TRIM2: variants seen among roughly 807,000 people sequenced by gnomAD.
TRIM2 encodes the protein tripartite motif containing 2, also known as tripartite motif-containing protein 2.
TRIM2 carries 20 observed loss-of-function variants against 75.2 expected under a neutral mutation model. The ratio of observed to expected loss-of-function variants is 0.27; its 90% CI spans 0.19 to 0.39. The LOEUF is 0.39. TRIM2 is among the 10% of genes least tolerant of loss of function. The pLI is 1.00. For missense variants in TRIM2, 660 were observed against 990.8 expected, an observed-to-expected ratio of 0.67 and a Z score of 4.48; for synonymous variants, 373 against 388.3, an observed-to-expected ratio of 0.96 and a Z score of 0.46.
At chr4:153,275,133 C>A (rs575671518) in intron 2 of TRIM2, among the ~76,000 whole-genome samples, 1 of 152,312 alleles carries the variant, frequency 6.6e-6, no homozygotes, top group African/African-American at 2.4e-5. Context: ...TGGACAAGTA[C>A]GCTGGCCTGT....
At chr4:153,324,250 T>C in intron 10 of TRIM2, 102 bp downstream of exon 10, 1 of 975,458 alleles carries the variant, frequency 1.0e-6, no homozygotes, top group South Asian at 1.6e-5. Flanking sequence ...CCAAAGGGAG[T>C]TAACCAGCAG....
At chr4:153,293,439 G>A (rs933126066) in intron 4 of TRIM2, among the ~76,000 whole-genome samples, 2 of 152,174 alleles carry the variant, frequency 1.3e-5, no homozygotes, top group African/African-American at 4.8e-5. Flanking sequence ...ATTCATCCCT[G>A]AAACCAGGCT....
At chr4:153,290,949 G>T (rs992474286) in intron 3 of TRIM2, among the ~76,000 whole-genome samples, 5 of 151,962 alleles carry the variant, frequency 3.3e-5, no homozygotes, top group Non-Finnish European at 7.4e-5. Context: ...TTTGAGCAGA[G>T]AATGCATACA....
At chr4:153,284,157 G>A (rs540280896) in intron 3 of TRIM2, among the ~76,000 whole-genome samples, 180 of 151,664 alleles carry the variant, frequency 1.2e-3, no homozygotes, top group African/African-American at 4.3e-3. Flanking sequence ...GGGATTACAG[G>A]CATAAGCCAT....
chr4:153,326,844 G>C (rs7658140), intron 10 of TRIM2, among the ~76,000 whole-genome samples: 17,986 of 152,052 alleles, frequency 0.12, 1,304 homozygotes, highest in African/African-American at 0.2. Context: ...AGCCGGGCGT[G>C]GTGGTGGGCG....
intron 1 of TRIM2, among the ~76,000 whole-genome samples, chr4:153,221,107 A>G (rs4696441): frequency 0.66 from 100,465 of 152,054 alleles, 33,590 homozygotes; most frequent in East Asian, 0.87. Flanking sequence ...ATCAAATGTT[A>G]AACAGATAAG....
chr4:153,234,099 C>A (rs1744373376), intron 1 of TRIM2, among the ~76,000 whole-genome samples: 1 of 152,126 alleles, frequency 6.6e-6, no homozygotes, highest in Non-Finnish European at 1.5e-5. Flanking sequence ...GGCTTCAATC[C>A]CCATAAATAC....
At chr4:153,246,341 C>A (rs539773049) in intron 1 of TRIM2, among the ~76,000 whole-genome samples, 60 of 152,224 alleles carry the variant, frequency 3.9e-4, no homozygotes, top group African/African-American at 1.2e-3. Flanking sequence ...AGTATCAGAG[C>A]TGGGATTTGT....
intron 1 of TRIM2, among the ~76,000 whole-genome samples, chr4:153,210,790 A>G (rs955710763): frequency 6.6e-6 from 1 of 152,176 alleles, no homozygotes; most frequent in African/African-American, 2.4e-5. Context: ...CACAGCATAA[A>G]TATTAATGCT....
chr4:153,183,505 G>A (rs1732282448), intron 1 of TRIM2, among the ~76,000 whole-genome samples: 1 of 152,160 alleles, frequency 6.6e-6, no homozygotes, highest in Non-Finnish European at 1.5e-5. Context: ...CCCAAGGAGT[G>A]GGGCATGATT....
In TRIM2 at chr4:153,182,352, C is replaced by T. The variant is rs941984730; in HGVS notation, c.-49+29082C>T. 3.3e-5 allele frequency among the ~76,000 whole-genome samples: 5 copies of T among 152,142 alleles called. 1 individual carries two copies. The highest frequency in any genetic ancestry group is 5.9e-5 in the Non-Finnish European group (4 of 68,028). On this transcript the variant is annotated intron_variant, in intron 1 of 11. Coordinates refer to the TRIM2 transcript ENST00000437508. ...TTGATGTAATTGCCCACAAATGGGACCTTGGGAAAAAGAGTCCTGAGAGGT... is the reference window on the plus strand; with the variant it reads ...TTGATGTAATTGCCCACAAATGGGATCTTGGGAAAAAGAGTCCTGAGAGGT...
At chr4:153,305,249 C>A (rs1168026989) in intron 6 of TRIM2, among the ~76,000 whole-genome samples, 3 of 152,098 alleles carry the variant, frequency 2.0e-5, no homozygotes, top group Non-Finnish European at 4.4e-5. Flanking sequence ...CCTCTCAGTG[C>A]CTCGGTTTCC....
At chr4:153,241,230 G>A (rs938775578) in intron 1 of TRIM2, among the ~76,000 whole-genome samples, 1 of 152,224 alleles carries the variant, frequency 6.6e-6, no homozygotes, top group African/African-American at 2.4e-5. Context: ...GTTCTGAGGT[G>A]TCTCACAGGA....
At chr4:153,236,978 GC>G (rs1416177743) in intron 1 of TRIM2, among the ~76,000 whole-genome samples, 14 of 152,172 alleles carry the variant, frequency 9.2e-5, no homozygotes, top group Non-Finnish European at 1.5e-4. Flanking sequence ...ATATGCATGA[GC>G]CACCTCGCAC....
At chr4:153,247,688 A>C (rs1749609817) in intron 1 of TRIM2, among the ~76,000 whole-genome samples, 1 of 150,440 alleles carries the variant, frequency 6.6e-6, no homozygotes, top group African/African-American at 2.5e-5. Flanking sequence ...AAAAAAAAAA[A>C]AAAAAAAAAA....
chr4:153,328,676 T>G lies in TRIM2; in HGVS notation c.2163+6T>G, dbSNP rs768202512. 1 of 1,606,870 alleles carries G rather than the reference T, an allele frequency of 6.2e-7. No individual in the cohort carries two copies. Among genetic ancestry groups the G allele is most frequent in the Non-Finnish European group, 8.5e-7 (1 of 1,177,676 alleles). On this transcript the variant is annotated splice_donor_region_variant and intron_variant, in intron 11 of 11. Transcript: ENST00000338700. ...GGGGAAACAGCAGGATCCAGGTAGA[T>G]CAATGTGCTAATGTATATGGTTAGA... is the stretch of plus-strand genomic sequence containing the variant.
intron 1 of TRIM2, among the ~76,000 whole-genome samples, chr4:153,235,593 G>A (rs1376322295): frequency 6.6e-6 from 1 of 152,110 alleles, no homozygotes; most frequent in Non-Finnish European, 1.5e-5. Context: ...GCCAAGTTAA[G>A]AGAATTAAAT....
chr4:153,226,473 G>A (rs541784218), intron 1 of TRIM2, among the ~76,000 whole-genome samples: 26 of 152,300 alleles, frequency 1.7e-4, no homozygotes, highest in African/African-American at 5.5e-4. Flanking sequence ...TGGAACAAGG[G>A]CAATTTGTAG....
chr4:153,328,649 C>A lies in TRIM2; in HGVS notation c.2142C>A (p.Asp714Glu). Residue 714 changes from aspartate to glutamate, a missense_variant, in exon 11 of 12, where the codon GAC (aspartate) becomes GAA (glutamate). By Grantham distance (45) the Asp-to-Glu change is conservative. This residue lies in a region of TRIM2 where 40 missense variants were observed against 99.8 expected (regional missense o/e 0.40). Coordinates refer to ENST00000338700, the MANE Select transcript of TRIM2 (RefSeq NM_015271.5). The stretch of plus-strand genomic sequence containing the variant: ...CAAATGGAAACATCATTGTGGCCGA[C>A]TGGGGAAACAGCAGGATCCAGGTAG... The part of the protein sequence containing the change: ...VDSNGNIIVA[D>E]WGNSRIQVFD... The A allele has an allele frequency of 6.2e-7, 1 of 1,612,130 alleles. No individual in the cohort carries two copies. Among genetic ancestry groups the A allele is most frequent in the Non-Finnish European group, 8.5e-7 (1 of 1,179,210 alleles).
Sources: allele counts gnomAD v4.1 joint callset (sites outside exome capture counted in the v4.1 genomes callset), GRCh38; gene constraint gnomAD v4.1.1; regional missense constraint gnomAD v4.1.1; transcripts MANE v1.5; gene names NCBI Gene and HGNC (gene_info 2026-07-23, HGNC 2026-07-21).